The following IGFL2 variants were observed in gnomAD, a reference collection of about 807,000 sequenced individuals.
IGFL2 encodes the protein IGF like family member 2.
Under a neutral mutation model 13.9 loss-of-function variants are expected in IGFL2, and 7 were observed. The ratio of observed to expected loss-of-function variants is 0.51; its 90% CI spans 0.29 to 0.95. The LOEUF (loss-of-function observed/expected upper bound fraction) is 0.95, where lower values mean the gene tolerates loss of function less well. Among genes scored for constraint, IGFL2 ranks in the 40% least tolerant of loss-of-function variants. The pLI, the probability that IGFL2 is intolerant of heterozygous loss-of-function variation, is 0.08. For missense variants in IGFL2, 138 were observed against 147.8 expected (o/e 0.93, Z 0.34); for synonymous variants, 55 against 55.8 (o/e 0.99, Z 0.07).
At chr19:46,122,433 G>A in the IGFL2 span, among the ~76,000 whole-genome samples, 1 of 151,102 alleles carries the variant, frequency 6.6e-6, no homozygotes, top group Non-Finnish European at 1.5e-5. Flanking sequence ...AATAGGTGAA[G>A]TCATTTCCTG....
the IGFL2 span, chr19:46,120,064 G>A: frequency 6.7e-5 from 34 of 506,244 alleles, no homozygotes; most frequent in South Asian, 7.1e-4. Flanking sequence ...TTGCATGAAC[G>A]AATTGAAGAT....
chr19:46,145,989 A>G (rs567050811), upstream of IGFL2, among the ~76,000 whole-genome samples: 130 of 152,314 alleles, frequency 8.5e-4, 2 homozygotes, highest in Middle Eastern at 0.017. Context: ...TAAAATTTTG[A>G]TAAGTCCAAT....
chr19:46,097,348 G>A, the IGFL2 span, among the ~76,000 whole-genome samples: 2 of 152,154 alleles, frequency 1.3e-5, no homozygotes, highest in Non-Finnish European at 2.9e-5. Context: ...TATTTCTGCA[G>A]GGTCAGTGGT....
chr19:46,124,333 A>G, the IGFL2 span: 10 of 1,606,522 alleles, frequency 6.2e-6, no homozygotes, highest in Non-Finnish European at 8.5e-6. Context: ...TAAGGGAGAA[A>G]GGAAAAAGGT....
At chr19:46,164,199 C>T (rs1006559725), downstream of IGFL2, 4 of 151,856 alleles carry the variant, frequency 2.6e-5, no homozygotes, top group African/African-American at 9.7e-5. Flanking sequence ...AGCTCTGTCC[C>T]AGGGTGGTTA....
At chr19:46,153,493 A>G (rs943378412) in intron 1 of IGFL2, among the ~76,000 whole-genome samples, 1 of 152,106 alleles carries the variant, frequency 6.6e-6, no homozygotes, top group Non-Finnish European at 1.5e-5. Context: ...TTTGAGAACT[A>G]GGTATTCAGA....
chr19:46,144,460 G>T (rs536678490), upstream of IGFL2, among the ~76,000 whole-genome samples: 1 of 151,898 alleles, frequency 6.6e-6, no homozygotes, highest in Non-Finnish European at 1.5e-5. Flanking sequence ...GTATCATATC[G>T]TATCATATCA....
chr19:46,169,061 G>T, the IGFL2 span, among the ~76,000 whole-genome samples: 236 of 152,056 alleles, frequency 1.6e-3, 1 homozygote, highest in African/African-American at 5.5e-3. Flanking sequence ...TTTTTAATTA[G>T]CCAGGTCTGG....
At chr19:46,199,476 G>T in the IGFL2 span, among the ~76,000 whole-genome samples, 1 of 152,172 alleles carries the variant, frequency 6.6e-6, no homozygotes, top group Non-Finnish European at 1.5e-5. Context: ...TGTGTGCAAA[G>T]GCTTTTTTGA....
chr19:46,178,282 G>GA, the IGFL2 span, among the ~76,000 whole-genome samples: 64,944 of 148,964 alleles, frequency 0.44, 15,796 homozygotes, highest in Non-Finnish European at 0.57. Context: ...GCCTCAAAAA[G>GA]AAAAAAAAAA....
chr19:46,100,877 G>A, the IGFL2 span, among the ~76,000 whole-genome samples: 1 of 152,066 alleles, frequency 6.6e-6, no homozygotes, highest in Admixed American at 6.5e-5. Flanking sequence ...CTAGTTTGAG[G>A]CTGCTGACCT....
the IGFL2 span, among the ~76,000 whole-genome samples, chr19:46,094,898 ATG>A: frequency 6.6e-6 from 1 of 152,098 alleles, no homozygotes; most frequent in South Asian, 2.1e-4. Context: ...CATGGTGTAT[ATG>A]TGCCATGTTT....
chr19:46,190,710 G>A, the IGFL2 span, among the ~76,000 whole-genome samples: 1,831 of 152,336 alleles, frequency 0.012, 41 homozygotes, highest in African/African-American at 0.042. Context: ...ACCCTCTCCT[G>A]TGGGGCAAAG....
chr19:46,147,309 T>C (rs555782259), upstream of IGFL2, among the ~76,000 whole-genome samples: 1 of 152,244 alleles, frequency 6.6e-6, no homozygotes, highest in Non-Finnish European at 1.5e-5. Flanking sequence ...GCCCACAAAC[T>C]ATGGAAGGAC....
Position 46,161,171 on chromosome 19 carries a change from T to G in IGFL2, c.*83T>G. ...TAATATGTGTACCAGTAGAGAAGCC[T>G]GAGGAATTTACAAAATGATGCAGCT... On this transcript the variant is annotated 3_prime_UTR_variant, in exon 4 of 4. Coordinates refer to ENST00000377693, the MANE Select transcript of IGFL2 (RefSeq NM_001135113.2). The G allele has an allele frequency of 9.2e-7, 1 of 1,084,544 alleles. No individual in the cohort carries two copies. Among genetic ancestry groups the G allele is most frequent in the Non-Finnish European group, 1.4e-6 (1 of 733,528 alleles). 67.2% of individuals were successfully genotyped at this position (1,084,544 alleles called of 1,614,324 possible).
At chr19:46,166,217 C>T (rs1321114655), downstream of IGFL2, among the ~76,000 whole-genome samples, 6 of 152,146 alleles carry the variant, frequency 3.9e-5, no homozygotes, top group Admixed American at 6.5e-5. Context: ...TTTTCCTAAG[C>T]GTCAGCTGGC....
At chr19:46,116,892 CTTATA>C in the IGFL2 span, among the ~76,000 whole-genome samples, 3 of 152,084 alleles carry the variant, frequency 2.0e-5, no homozygotes, top group African/African-American at 7.2e-5. Context: ...TCGAATTTAA[CTTATA>C]TTAAATTATT....
chr19:46,096,627 G>A, the IGFL2 span, among the ~76,000 whole-genome samples: 5 of 152,114 alleles, frequency 3.3e-5, no homozygotes, highest in African/African-American at 1.2e-4. Flanking sequence ...TTCCAGGTTT[G>A]CCAATTCAGT....
chr19:46,086,855 C>T, the IGFL2 span, among the ~76,000 whole-genome samples: 5 of 152,002 alleles, frequency 3.3e-5, no homozygotes, highest in Admixed American at 2.6e-4. Flanking sequence ...TGGGTACATG[C>T]AGTAGTGTAG....
Sources: gnomAD v4.1 joint callset for allele counts (sites outside exome capture counted in the v4.1 genomes callset) on GRCh38, gnomAD v4.1.1 for gene constraint, MANE v1.5 for transcripts, NCBI Gene and HGNC (gene_info 2026-07-23, HGNC 2026-07-21) for gene names.